Variants in RANBP3 observed in about 807,000 individuals in gnomAD.
RANBP3 encodes the protein RAN binding protein 3.
RANBP3 carries 14 observed loss-of-function variants against 77.3 expected under a neutral mutation model. That is an observed-to-expected ratio of 0.18 (90% confidence interval 0.12 to 0.28). The LOEUF (loss-of-function observed/expected upper bound fraction) is 0.28, where lower values mean the gene tolerates loss of function less well. RANBP3 is among the 10% of genes least tolerant of loss of function. The pLI is 1.00. For missense variants in RANBP3, 586 were observed against 752.3 expected, an observed-to-expected ratio of 0.78 and a Z score of 2.59; for synonymous variants, 315 against 312.4, an observed-to-expected ratio of 1.01 and a Z score of -0.09.
intron 1 of RANBP3, 69 bp downstream of exon 1, chr19:5,977,992 T>A: frequency 6.3e-7 from 1 of 1,594,102 alleles, no homozygotes; most frequent in South Asian, 1.1e-5. Flanking sequence ...CCCCAAGGGC[T>A]TGTGGCCCCT....
chr19:5,977,914 G>A (rs1471006047), intron 1 of RANBP3, 147 bp downstream of exon 1: 3 of 1,020,380 alleles, frequency 2.9e-6, no homozygotes, highest in Non-Finnish European at 4.1e-6. Context: ...ACGCAATAGG[G>A]GGCGGCTGCA....
chr19:5,923,575 C>T (rs935164733), intron 12 of RANBP3, among the ~76,000 whole-genome samples: 13 of 152,218 alleles, frequency 8.5e-5, no homozygotes, highest in African/African-American at 2.4e-4. Flanking sequence ...GACTCCTCCA[C>T]GCCTGCTGCC....
At position 5,978,109 on chromosome 19, in the gene RANBP3, G is replaced by C; in HGVS notation, c.-27C>G. The C allele has an allele frequency of 6.2e-7, 1 of 1,602,148 alleles. No individual in the cohort carries two copies. On this transcript the variant is annotated 5_prime_UTR_variant, in exon 1 of 17. Coordinates refer to ENST00000340578, the MANE Select transcript of RANBP3 (RefSeq NM_007322.3). ...TTACTTCCTTAAGCCCTCCCACAAG[G>C]CCCCGCGCCGGCCCAGGCTCGCCTG... is the stretch of plus-strand genomic sequence containing the variant.
At chr19:5,943,162 G>C (rs973234950) in intron 3 of RANBP3, among the ~76,000 whole-genome samples, 1 of 152,232 alleles carries the variant, frequency 6.6e-6, no homozygotes, top group Non-Finnish European at 1.5e-5. Flanking sequence ...CGCGCTCCCT[G>C]CAAGAGCAAG....
At chr19:5,967,516 G>A (rs544030797) in intron 1 of RANBP3, among the ~76,000 whole-genome samples, 2 of 152,166 alleles carry the variant, frequency 1.3e-5, no homozygotes, top group South Asian at 4.1e-4. Context: ...CATCATAGAC[G>A]CATCCCCATG....
intron 5 of RANBP3, among the ~76,000 whole-genome samples, chr19:5,941,001 C>T (rs1020801488): frequency 1.3e-5 from 2 of 152,252 alleles, no homozygotes; most frequent in African/African-American, 4.8e-5. Context: ...TGTGCTCAGA[C>T]CAGGCCTCAC....
chr19:5,945,874 C>A (rs1235242270), intron 3 of RANBP3, among the ~76,000 whole-genome samples: 1 of 152,012 alleles, frequency 6.6e-6, no homozygotes, highest in Non-Finnish European at 1.5e-5. Context: ...TGTGGTGCCC[C>A]CAGGCATTCT....
At chr19:5,974,882 G>A (rs926477105) in intron 1 of RANBP3, among the ~76,000 whole-genome samples, 1 of 152,216 alleles carries the variant, frequency 6.6e-6, no homozygotes, top group Non-Finnish European at 1.5e-5. Context: ...CAGCCGGGTG[G>A]ACAGCCGCTG....
At chr19:5,974,085 C>G (rs535703652) in intron 1 of RANBP3, among the ~76,000 whole-genome samples, 4 of 152,214 alleles carry the variant, frequency 2.6e-5, no homozygotes, top group African/African-American at 9.6e-5. Flanking sequence ...TCATGACGAC[C>G]CCGCGAGTGA....
chr19:5,962,421 C>T (rs1017322906), intron 1 of RANBP3, among the ~76,000 whole-genome samples: 3 of 142,320 alleles, frequency 2.1e-5, no homozygotes, highest in Non-Finnish European at 4.9e-5. Context: ...AGTGGGGCCT[C>T]GTCTGTTCCG....
chr19:5,925,858 T>G (rs2145050220), intron 9 of RANBP3, 121 bp from the exon 10 acceptor site: 759 of 567,118 alleles, frequency 1.3e-3, no homozygotes, highest in East Asian at 2.7e-3. Context: ...CCCTCTCCTG[T>G]ACCCGCCTGT....
In RANBP3 at chr19:5,977,522, G is replaced by A. The variant is rs533508134; in HGVS notation, c.22+539C>T. On this transcript the variant is annotated intron_variant, in intron 1 of 16. Transcript: ENST00000340578. ...GAACTGGCGGGAAGTGGGGGCCGAA[G>A]TTCGGGGCGGGGACGGGGTGAAAAC... 3.9e-5 allele frequency among the ~76,000 whole-genome samples: 6 copies of A among 152,238 alleles called. No homozygotes were observed. The South Asian group carries it at 1.2e-3, about 32-fold the overall frequency.
At chr19:5,919,921 G>A (rs1283610707) in intron 14 of RANBP3, among the ~76,000 whole-genome samples, 1 of 145,746 alleles carries the variant, frequency 6.9e-6, no homozygotes, top group Non-Finnish European at 1.5e-5. Flanking sequence ...AAAAAAAGAC[G>A]TCCATGGGGA....
In RANBP3 at chr19:5,978,127, C is replaced by G; in HGVS notation, c.-45G>C. On this transcript the variant is annotated 5_prime_UTR_variant, in exon 1 of 17. Coordinates refer to ENST00000340578, the MANE Select transcript of RANBP3 (RefSeq NM_007322.3). ...CCACAAGGCCCCGCGCCGGCCCAGG[C>G]TCGCCTGCTTTCTGCCAGAAACTCC... 1.3e-6 allele frequency: 2 copies of G among 1,592,962 alleles called. No individual in the cohort carries two copies. The highest frequency in any genetic ancestry group is 1.7e-6 in the Non-Finnish European group (2 of 1,171,478).
At chr19:5,953,987 A>C (rs868587685) in intron 2 of RANBP3, among the ~76,000 whole-genome samples, 1 of 152,238 alleles carries the variant, frequency 6.6e-6, no homozygotes, top group Non-Finnish European at 1.5e-5. Context: ...CCCAATCCGT[A>C]GTGTGCTGAA....
intron 7 of RANBP3, 72 bp from the exon 8 acceptor site, chr19:5,931,603 G>T: frequency 6.6e-7 from 1 of 1,522,440 alleles, no homozygotes; most frequent in Non-Finnish European, 8.9e-7. Context: ...CATAGCTGAG[G>T]GGCTGGGCCA....
intron 2 of RANBP3, among the ~76,000 whole-genome samples, chr19:5,957,394 C>T (rs576153222): frequency 1.3e-5 from 2 of 152,328 alleles, no homozygotes; most frequent in South Asian, 2.1e-4. Flanking sequence ...GAAGCAGCCT[C>T]ATGGACACGG....
intron 13 of RANBP3, 64 bp downstream of exon 13, chr19:5,923,130 C>T: frequency 1.5e-6 from 2 of 1,325,182 alleles, no homozygotes; most frequent in Non-Finnish European, 1.1e-6. Context: ...GGGCCCAGCC[C>T]TTGCGGTTGG....
intron 1 of RANBP3, among the ~76,000 whole-genome samples, chr19:5,970,829 T>C (rs1377654105): frequency 1.3e-5 from 2 of 152,188 alleles, no homozygotes; most frequent in Non-Finnish European, 2.9e-5. Context: ...ATCGTTCCCA[T>C]TTTACAGATG....
Sources: gnomAD v4.1 joint callset for allele counts (sites outside exome capture counted in the v4.1 genomes callset) on GRCh38, gnomAD v4.1.1 for gene constraint, MANE v1.5 for transcripts, NCBI Gene and HGNC (gene_info 2026-07-23, HGNC 2026-07-21) for gene names.